Variants in MYOF observed in about 807,000 individuals in gnomAD.
MYOF encodes the protein fer-1-like 3, myoferlin.
A neutral mutation model predicts 284.2 loss-of-function variants in MYOF; 244 were observed. That is an observed-to-expected ratio of 0.86 (90% confidence interval 0.77 to 0.95). MYOF has a LOEUF of 0.95. Ranked by LOEUF, MYOF falls within the 40% of genes least tolerant of loss-of-function variation. MYOF has a pLI of 0.00. For synonymous variants in MYOF, 904 were observed against 919.7 expected, an observed-to-expected ratio of 0.98 and a Z score of 0.31; for missense variants, 2,496 against 2,560.6, an observed-to-expected ratio of 0.97 and a Z score of 0.54.
In MYOF at chr10:93,402,308, G is replaced by A. The variant is rs371497868; in HGVS notation, c.914C>T (p.Pro305Leu). The A allele has an allele frequency of 2.3e-5, 37 of 1,613,808 alleles. No individual in the cohort carries two copies. Among genetic ancestry groups the A allele is most frequent in the South Asian group, 4.4e-5 (4 of 91,080 alleles). ...VMRKWLLLND[P>L]EDTSSGSKGY... is the part of the protein sequence containing the mutation. ...TTTAGAACCTGAACTGGTATCTTCC[G>A]GGTCATTGAGAAGAAGCCACTTTCT... The change falls in exon 11 of 54, where the codon CCG (proline) becomes CTG (leucine). Residue 305 changes from proline (P) to leucine (L), a missense_variant. This residue lies in a region of MYOF where 2,436 missense variants were observed against 2,480.7 expected (regional missense o/e 0.98). Coordinates refer to ENST00000359263, the MANE Select transcript of MYOF (RefSeq NM_013451.4).
chr10:93,315,676 G>T (rs750316469), intron 50 of MYOF, among the ~76,000 whole-genome samples: 1 of 152,100 alleles, frequency 6.6e-6, no homozygotes, highest in Non-Finnish European at 1.5e-5. Context: ...CTATGAGAGC[G>T]CAGGCTACAC....
At chr10:93,469,719 C>T (rs558576819) in intron 1 of MYOF, among the ~76,000 whole-genome samples, 7 of 152,172 alleles carry the variant, frequency 4.6e-5, no homozygotes, top group Admixed American at 4.6e-4. Context: ...CAGGATGGGC[C>T]AGATTTGGAT....
Position 93,402,228 on chromosome 10 carries a change from T to TCA in MYOF, c.990+2_990+3dup. ...TGTAGAAAGTAGAGAATGTAGGGAC[T>TCA]CACAGGAGGCTCATCTCCGGTTCCC... is the stretch of plus-strand genomic sequence containing the variant. On this transcript the variant is annotated splice_donor_region_variant and intron_variant, in intron 11 of 53. Transcript: ENST00000359263. 6.0e-5 allele frequency: 96 copies of TCA among 1,611,054 alleles called. No homozygotes were observed. The highest frequency in any genetic ancestry group is 8.0e-5 in the Non-Finnish European group (94 of 1,177,350).
intron 1 of MYOF, among the ~76,000 whole-genome samples, chr10:93,477,528 C>T (rs930023520): frequency 6.7e-6 from 1 of 150,294 alleles, no homozygotes; most frequent in East Asian, 2.0e-4. Flanking sequence ...CAAACACACA[C>T]AAAGATAGAA....
chr10:93,340,853 G>C lies in MYOF; in HGVS notation c.4327-689C>G, dbSNP rs61868501. ...GGAAGGGGGGCTTGAATGTGGTTCT[G>C]GTATCTGTTAGAGCATTAGCCAAGC... On this transcript the variant is annotated intron_variant, in intron 38 of 53. Transcript: ENST00000359263. Among the ~76,000 whole-genome samples, 1,313 of 152,190 alleles carry C rather than the reference G, an allele frequency of 8.6e-3. 10 individuals are homozygous for C. Among genetic ancestry groups the C allele is most frequent in the Admixed American group, 0.022 (336 of 15,286 alleles).
At chr10:93,333,604 C>T (rs551974545) in intron 42 of MYOF, among the ~76,000 whole-genome samples, 154 bp downstream of exon 42, 13 of 152,286 alleles carry the variant, frequency 8.5e-5, no homozygotes, top group African/African-American at 2.4e-4. Context: ...AGATAAATCC[C>T]CATGGGGACA....
rs546585424 is a variant in MYOF at position 93,388,911 on chromosome 10, G to A, written c.1581+119C>T. Reference sequence around the variant, plus strand: ...ATCTCCACAGTCTTTTCCTATCTTTGCATTCTAAGTCTTAGGGAGTATGAA... The same window carrying A: ...ATCTCCACAGTCTTTTCCTATCTTTACATTCTAAGTCTTAGGGAGTATGAA... On this transcript the variant is annotated intron_variant, in intron 18 of 53. Coordinates refer to ENST00000359263, the MANE Select transcript of MYOF (RefSeq NM_013451.4). 5.4e-6 allele frequency: 7 copies of A among 1,307,594 alleles called. No homozygotes were observed. In the South Asian group the frequency reaches 1.2e-4, roughly 23 times the overall value. The allele number at this position is 1,307,594 out of a possible 1,614,324, so 81.0% of individuals were successfully genotyped here.
intron 50 of MYOF, among the ~76,000 whole-genome samples, chr10:93,313,473 A>T (rs1458820372): frequency 1.3e-5 from 2 of 152,252 alleles, no homozygotes; most frequent in African/African-American, 4.8e-5. Context: ...TTTAAACTCA[A>T]AGTAATGAAA....
chr10:93,333,391 C>T (rs755948688), intron 42 of MYOF, 79 bp from the exon 43 acceptor site: 9 of 1,204,006 alleles, frequency 7.5e-6, no homozygotes, highest in African/African-American at 1.5e-5. Context: ...ACTCAGCTCG[C>T]CTCCACACCC....
intron 32 of MYOF, among the ~76,000 whole-genome samples, chr10:93,352,793 G>GCTTTTTAGTCAA (rs1844581020): frequency 6.6e-6 from 1 of 151,224 alleles, no homozygotes; most frequent in Non-Finnish European, 1.5e-5. Context: ...CAAGAACTTT[G>GCTTTTTAGTCAA]GAAAGATGTT....
chr10:93,309,723 G>A (rs1028695301), intron 53 of MYOF, among the ~76,000 whole-genome samples: 5 of 152,186 alleles, frequency 3.3e-5, no homozygotes, highest in African/African-American at 7.2e-5. Context: ...AGCTGGAAAC[G>A]CTGGCCATAG....
At chr10:93,352,569 C>A (rs1844573707) in intron 32 of MYOF, among the ~76,000 whole-genome samples, 1 of 152,324 alleles carries the variant, frequency 6.6e-6, no homozygotes. Flanking sequence ...ATGTTCTCCT[C>A]CTTGCTAAAT....
intron 35 of MYOF, among the ~76,000 whole-genome samples, chr10:93,350,545 T>TC (rs1844460862): frequency 6.6e-6 from 1 of 152,164 alleles, no homozygotes; most frequent in Non-Finnish European, 1.5e-5. Flanking sequence ...ACTCCTGACT[T>TC]CAAGTGATCC....
intron 50 of MYOF, among the ~76,000 whole-genome samples, chr10:93,314,115 G>GTC (rs1310462090): frequency 6.6e-6 from 1 of 152,100 alleles, no homozygotes; most frequent in Non-Finnish European, 1.5e-5. Flanking sequence ...TTGAGACTGA[G>GTC]TCTCTCTCTA....
chr10:93,400,984 C>T (rs1847266550), intron 12 of MYOF, among the ~76,000 whole-genome samples: 1 of 151,286 alleles, frequency 6.6e-6, no homozygotes, highest in Admixed American at 6.6e-5. Flanking sequence ...TCCCAGGTAG[C>T]TGGGATTATA....
intron 5 of MYOF, among the ~76,000 whole-genome samples, chr10:93,420,575 C>G (rs1007852810): frequency 1.3e-5 from 2 of 152,220 alleles, no homozygotes; most frequent in African/African-American, 4.8e-5. Flanking sequence ...GTGATCATAG[C>G]TAGCTTCTAC....
chr10:93,359,302 G>C (rs1370888515), intron 29 of MYOF, among the ~76,000 whole-genome samples: 2 of 152,138 alleles, frequency 1.3e-5, no homozygotes, highest in Non-Finnish European at 2.9e-5. Context: ...TAGCATTATA[G>C]AAAGCCACTT....
rs1404231210 is a variant in MYOF at position 93,369,712 on chromosome 10, C to A, written c.2522G>T (p.Gly841Val). ...AAACTTCTTCTCCACAGCACTTAAG[C>A]CTAGCCAGATGTTCACTCGCAACTC... is the stretch of plus-strand genomic sequence containing the variant. ...PVELRVNIWL[G>V]LSAVEKKFNS... is the part of the protein sequence containing the mutation. The change falls in exon 25 of 54, where the codon GGC becomes GTC. Residue 841 changes from glycine (G) to valine (V), a missense_variant. Transcript: ENST00000359263. The A allele has an allele frequency of 2.5e-6, 4 of 1,614,204 alleles. No individual in the cohort carries two copies. The highest frequency in any genetic ancestry group is 2.5e-6 in the Non-Finnish European group (3 of 1,180,042).
chr10:93,454,036 G>T (rs749099274), intron 2 of MYOF, among the ~76,000 whole-genome samples: 22 of 152,242 alleles, frequency 1.4e-4, no homozygotes, highest in Non-Finnish European at 2.1e-4. Context: ...TACAAAATTA[G>T]CCAGGCGTAG....
Sources: allele counts gnomAD v4.1 joint callset (sites outside exome capture counted in the v4.1 genomes callset), GRCh38; gene constraint gnomAD v4.1.1; regional missense constraint gnomAD v4.1.1; transcripts MANE v1.5; gene names NCBI Gene and HGNC (gene_info 2026-07-23, HGNC 2026-07-21).